The following DOK6 variants were observed in gnomAD, a reference collection of about 807,000 sequenced individuals.
DOK6 encodes the protein downstream of tyrosine kinase 6.
DOK6 carries 22 observed loss-of-function variants against 44.0 expected under a neutral mutation model. The ratio of observed to expected loss-of-function variants is 0.50; its 90% CI spans 0.36 to 0.71. The LOEUF is 0.71. DOK6 is among the 30% of genes least tolerant of loss of function. The pLI, the probability that DOK6 is intolerant of heterozygous loss-of-function variation, is 0.00. For synonymous variants in DOK6, 166 were observed against 145.5 expected, an observed-to-expected ratio of 1.14 and a Z score of -1.01; for missense variants, 340 against 416.4, an observed-to-expected ratio of 0.82 and a Z score of 1.60.
intron 7 of DOK6, among the ~76,000 whole-genome samples, chr18:69,829,176 T>G (rs1981833585): frequency 6.7e-6 from 1 of 149,014 alleles, no homozygotes; most frequent in South Asian, 2.1e-4. Context: ...AACAGAGAAA[T>G]GGAAGGAAAT....
intron 7 of DOK6, among the ~76,000 whole-genome samples, chr18:69,772,030 G>C (rs1465676564): frequency 6.7e-6 from 1 of 150,046 alleles, no homozygotes; most frequent in African/African-American, 2.4e-5. Context: ...AAAAAAAATG[G>C]CTTTTAGGTG....
At chr18:69,749,471 AAG>A (rs1289670541) in intron 6 of DOK6, among the ~76,000 whole-genome samples, 2 of 152,214 alleles carry the variant, frequency 1.3e-5, no homozygotes, top group Non-Finnish European at 2.9e-5. Context: ...GATGAAAAAA[AAG>A]GACAAAAGCA....
chr18:69,445,101 T>C (rs143071239), intron 1 of DOK6, among the ~76,000 whole-genome samples: 3 of 152,340 alleles, frequency 2.0e-5, no homozygotes, highest in Non-Finnish European at 4.4e-5. Context: ...TCCATTATTT[T>C]CTTATTTCAT....
chr18:69,601,806 C>T (rs1432226458), intron 3 of DOK6, among the ~76,000 whole-genome samples: 1 of 152,060 alleles, frequency 6.6e-6, no homozygotes, highest in South Asian at 2.1e-4. Flanking sequence ...AGGACCGGGG[C>T]ATGAAATACA....
intron 7 of DOK6, chr18:69,781,408 C>G (rs1980262966): frequency 6.6e-6 from 1 of 152,118 alleles, no homozygotes; most frequent in Non-Finnish European, 1.5e-5. Context: ...TAAACCAGCT[C>G]TAGTTTTATC....
rs1469445645 is a variant in DOK6 at position 69,759,768 on chromosome 18, C to T, written c.856+1895C>T. Among the ~76,000 whole-genome samples the T allele has an allele frequency of 1.6e-4, 24 of 152,114 alleles. No individual in the cohort carries two copies. In the East Asian group the frequency reaches 4.6e-3, roughly 29 times the overall value. ...AAATACTCTCACTGATGTTAACTTGCAGCAAAGTTAAAGGCTTGACATGCC... is the reference window on the plus strand; with the variant it reads ...AAATACTCTCACTGATGTTAACTTGTAGCAAAGTTAAAGGCTTGACATGCC... On this transcript the variant is annotated intron_variant, in intron 7 of 7. Coordinates refer to ENST00000382713, the MANE Select transcript of DOK6 (RefSeq NM_152721.6).
intron 3 of DOK6, among the ~76,000 whole-genome samples, chr18:69,648,467 T>G (rs1985140611): frequency 6.6e-6 from 1 of 152,192 alleles, no homozygotes; most frequent in African/African-American, 2.4e-5. Flanking sequence ...CCCATTTTCT[T>G]TCTCTTTTCC....
chr18:69,751,106 C>G (rs763507438), intron 6 of DOK6, among the ~76,000 whole-genome samples: 3 of 151,924 alleles, frequency 2.0e-5, no homozygotes, highest in African/African-American at 2.4e-5. Flanking sequence ...GCTAGGGGCT[C>G]GGGGGCAACA....
chr18:69,469,487 T>C (rs920909311), intron 1 of DOK6: 4 of 152,842 alleles, frequency 2.6e-5, no homozygotes, highest in African/African-American at 9.7e-5. Flanking sequence ...GTATGATCTA[T>C]AACCTTCGCC....
At chr18:69,423,547 CAT>C (rs1978555023) in intron 1 of DOK6, among the ~76,000 whole-genome samples, 1 of 152,166 alleles carries the variant, frequency 6.6e-6, no homozygotes, top group Non-Finnish European at 1.5e-5. Context: ...CTTCAACAAA[CAT>C]ATAATTATCC....
At chr18:69,518,392 C>T (rs965287762) in intron 1 of DOK6, among the ~76,000 whole-genome samples, 3 of 151,988 alleles carry the variant, frequency 2.0e-5, no homozygotes, top group South Asian at 4.1e-4. Flanking sequence ...GTCTGCCTCT[C>T]TTCTCTACTT....
chr18:69,788,030 T>C (rs1980485039), intron 7 of DOK6, among the ~76,000 whole-genome samples: 1 of 152,186 alleles, frequency 6.6e-6, no homozygotes, highest in Non-Finnish European at 1.5e-5. Context: ...TCTAAGATAT[T>C]ATGAAATCCT....
chr18:69,812,580 A>G (rs538528386), intron 7 of DOK6, among the ~76,000 whole-genome samples: 1 of 152,264 alleles, frequency 6.6e-6, no homozygotes, highest in African/African-American at 2.4e-5. Context: ...GCACAGTTGA[A>G]GGACAACGCT....
chr18:69,535,743 G>A (rs181920286), intron 1 of DOK6, among the ~76,000 whole-genome samples: 5 of 151,810 alleles, frequency 3.3e-5, no homozygotes, highest in Admixed American at 2.0e-4. Flanking sequence ...AAACAGAAAA[G>A]AAAATGATTT....
intron 1 of DOK6, among the ~76,000 whole-genome samples, chr18:69,515,271 T>G (rs1981489036): frequency 1.3e-5 from 2 of 152,238 alleles, no homozygotes; most frequent in East Asian, 1.9e-4. Flanking sequence ...CAAGAAAAAT[T>G]GTCCGTATGT....
At chr18:69,838,978 A>C (rs1599353895) in intron 7 of DOK6, among the ~76,000 whole-genome samples, 1 of 129,170 alleles carries the variant, frequency 7.7e-6, no homozygotes, top group South Asian at 2.6e-4. Context: ...CCCAAGCCTC[A>C]CCCCTAGATT....
chr18:69,509,653 A>C (rs1221401288), intron 1 of DOK6, among the ~76,000 whole-genome samples: 2 of 149,404 alleles, frequency 1.3e-5, no homozygotes, highest in Non-Finnish European at 3.0e-5. Flanking sequence ...AAAAAAAAAA[A>C]AAAAAAAAAA....
At chr18:69,492,236 CAATT>C (rs950224494) in intron 1 of DOK6, among the ~76,000 whole-genome samples, 9 of 152,032 alleles carry the variant, frequency 5.9e-5, no homozygotes, top group Admixed American at 4.6e-4. Flanking sequence ...AAGTGTCACA[CAATT>C]AATTTTAAAT....
At chr18:69,435,047 GAA>G (rs1978932865) in intron 1 of DOK6, among the ~76,000 whole-genome samples, 1 of 144,630 alleles carries the variant, frequency 6.9e-6, no homozygotes, top group Non-Finnish European at 1.5e-5. Context: ...AGGAAGGAAG[GAA>G]GGAAGGAAGG....
Sources: allele counts gnomAD v4.1 joint callset (sites outside exome capture counted in the v4.1 genomes callset), GRCh38; gene constraint gnomAD v4.1.1; transcripts MANE v1.5; gene names NCBI Gene and HGNC (gene_info 2026-07-23, HGNC 2026-07-21).